Variants in CFAP210 observed in about 807,000 individuals in gnomAD.
CFAP210 encodes cilia and flagella associated protein 210, also known as cilia- and flagella- associated protein 210.
the CFAP210 span, among the ~76,000 whole-genome samples, chr2:169,678,500 G>C: frequency 2.0e-5 from 3 of 151,774 alleles, no homozygotes; most frequent in Admixed American, 2.0e-4. Flanking sequence ...ATTCCAGCTG[G>C]CTTTTTCGCA....
the CFAP210 span, chr2:169,646,106 G>A: frequency 1.2e-5 from 19 of 1,613,856 alleles, no homozygotes; most frequent in East Asian, 4.0e-4. Context: ...CTCCTTTTCA[G>A]CCACAAGAGC....
chr2:169,672,660 G>T, the CFAP210 span, among the ~76,000 whole-genome samples: 1 of 152,194 alleles, frequency 6.6e-6, no homozygotes, highest in East Asian at 1.9e-4. Flanking sequence ...GAAGCCAGAA[G>T]GCTCAGCAAG....
the CFAP210 span, chr2:169,648,161 T>C: frequency 2.4e-5 from 1 of 42,464 alleles, no homozygotes. Flanking sequence ...AAACTCTGTC[T>C]CAAAAAAAAA....
At chr2:169,679,353 C>T in the CFAP210 span, among the ~76,000 whole-genome samples, 1 of 152,136 alleles carries the variant, frequency 6.6e-6, no homozygotes, top group African/African-American at 2.4e-5. Context: ...ATCCAGTCGA[C>T]ATCTTCCTCC....
At chr2:169,682,077 T>G in the CFAP210 span, among the ~76,000 whole-genome samples, 2 of 152,192 alleles carry the variant, frequency 1.3e-5, no homozygotes, top group African/African-American at 4.8e-5. Context: ...TGAAGATGAT[T>G]GAGTTGGGTG....
chr2:169,688,060 G>A, the CFAP210 span, among the ~76,000 whole-genome samples: 52 of 152,318 alleles, frequency 3.4e-4, no homozygotes, highest in Middle Eastern at 6.8e-3. Context: ...AGCCATGGCT[G>A]GAGCAGCTGG....
At chr2:169,692,969 GCTGT>G in the CFAP210 span, among the ~76,000 whole-genome samples, 2 of 152,130 alleles carry the variant, frequency 1.3e-5, no homozygotes, top group African/African-American at 4.8e-5. Context: ...CAAAAATCCA[GCTGT>G]TTTTCTTTAG....
chr2:169,660,922 C>A, the CFAP210 span: 1 of 442,882 alleles, frequency 2.3e-6, no homozygotes, highest in East Asian at 5.9e-5. Flanking sequence ...ATTATTAATC[C>A]TTATACAACT....
the CFAP210 span, chr2:169,674,664 T>C: frequency 3.1e-6 from 5 of 1,610,784 alleles, no homozygotes; most frequent in South Asian, 5.6e-5. Flanking sequence ...TTTTCAATGT[T>C]GAGTTTCAAC....
chr2:169,653,110 A>G, the CFAP210 span, among the ~76,000 whole-genome samples: 1 of 139,958 alleles, frequency 7.1e-6, no homozygotes, highest in Non-Finnish European at 1.5e-5. Flanking sequence ...ATAGTGCTAT[A>G]TATCAAGCAA....
chr2:169,690,776 T>A, the CFAP210 span, among the ~76,000 whole-genome samples: 1 of 152,232 alleles, frequency 6.6e-6, no homozygotes. Context: ...GTTAATCTTA[T>A]TGAGGATTAC....
chr2:169,681,804 C>T, the CFAP210 span, among the ~76,000 whole-genome samples: 1 of 152,204 alleles, frequency 6.6e-6, no homozygotes, highest in Non-Finnish European at 1.5e-5. Flanking sequence ...TTACTTGCAA[C>T]TTTTAGAAAA....
chr2:169,674,178 C>T, the CFAP210 span, among the ~76,000 whole-genome samples: 1 of 152,148 alleles, frequency 6.6e-6, no homozygotes, highest in Non-Finnish European at 1.5e-5. Flanking sequence ...AAAGTTTCCC[C>T]ATGTGGCTGC....
At chr2:169,651,396 A>G in the CFAP210 span, among the ~76,000 whole-genome samples, 1 of 151,940 alleles carries the variant, frequency 6.6e-6, no homozygotes, top group African/African-American at 2.4e-5. Flanking sequence ...ATTAAAAAAA[A>G]AGAAAAAAAA....
chr2:169,667,327 C>A, the CFAP210 span, among the ~76,000 whole-genome samples: 1 of 151,888 alleles, frequency 6.6e-6, no homozygotes, highest in Non-Finnish European at 1.5e-5. Flanking sequence ...TTAGTACAGA[C>A]AGCGTTTCAC....
At chr2:169,680,940 C>T in the CFAP210 span, 9 of 1,314,066 alleles carry the variant, frequency 6.8e-6, no homozygotes, top group Admixed American at 2.0e-5. Context: ...TAAAAAGAAG[C>T]ATAAGAGTAC....
the CFAP210 span, among the ~76,000 whole-genome samples, chr2:169,654,996 T>G: frequency 1.3e-5 from 2 of 152,176 alleles, no homozygotes; most frequent in Admixed American, 6.5e-5. Context: ...ATATGTATTC[T>G]AACAAAAATT....
chr2:169,671,497 T>C, the CFAP210 span, among the ~76,000 whole-genome samples: 1 of 152,210 alleles, frequency 6.6e-6, no homozygotes, highest in South Asian at 2.1e-4. Context: ...AGATGGAGTG[T>C]CGCTCTTGTT....
the CFAP210 span, among the ~76,000 whole-genome samples, chr2:169,651,437 C>A: frequency 6.6e-6 from 1 of 151,770 alleles, no homozygotes; most frequent in Non-Finnish European, 1.5e-5. Context: ...CACTGTCACC[C>A]AGGCTGGAGT....
Sources: gnomAD v4.1 joint callset for allele counts (sites outside exome capture counted in the v4.1 genomes callset) on GRCh38, gnomAD v4.1.1 for gene constraint, MANE v1.5 for transcripts, NCBI Gene and HGNC (gene_info 2026-07-23, HGNC 2026-07-21) for gene names.